The following BBS2 variants were observed in gnomAD, a reference collection of about 807,000 sequenced individuals.
BBS2 encodes BBSome complex member BBS2.
In BBS2, 62 loss-of-function variants were observed where a neutral mutation model predicts 83.0. That is an observed-to-expected ratio of 0.75 (90% confidence interval 0.61 to 0.92). The LOEUF is 0.92. Among genes scored for constraint, BBS2 ranks in the 40% least tolerant of loss-of-function variants. The pLI, the probability that BBS2 is intolerant of heterozygous loss-of-function variation, is 0.00. For missense variants in BBS2, 784 were observed against 901.0 expected (o/e 0.87, Z 1.66); for synonymous variants, 303 against 326.1 (o/e 0.93, Z 0.76).
intron 17 of BBS2, among the ~76,000 whole-genome samples, chr16:56,471,150 G>A (rs1173425399): frequency 6.6e-6 from 1 of 150,428 alleles, no homozygotes; most frequent in South Asian, 2.1e-4. Context: ...CCAGGAGTTC[G>A]AGACCAGCCT....
intron 15 of BBS2, among the ~76,000 whole-genome samples, chr16:56,488,710 C>T (rs1312389797): frequency 3.3e-5 from 5 of 152,068 alleles, no homozygotes; most frequent in Admixed American, 2.6e-4. Context: ...AACTCTCAGC[C>T]CCTCTCCACT....
intron 7 of BBS2, among the ~76,000 whole-genome samples, chr16:56,503,791 C>T (rs1034922554): frequency 2.0e-5 from 3 of 152,014 alleles, no homozygotes; most frequent in African/African-American, 4.8e-5. Context: ...TGGTGGTACG[C>T]ACCTGTAGTC....
intron 7 of BBS2, among the ~76,000 whole-genome samples, chr16:56,504,005 A>G (rs1332607703): frequency 6.6e-6 from 1 of 152,158 alleles, no homozygotes; most frequent in African/African-American, 2.4e-5. Flanking sequence ...CTAGCATAGC[A>G]ATCATTTCGA....
At chr16:56,496,917 C>G in intron 15 of BBS2, 50 bp downstream of exon 15, 1 of 1,292,764 alleles carries the variant, frequency 7.7e-7, no homozygotes, top group Non-Finnish European at 1.1e-6. Flanking sequence ...CTATTCCATA[C>G]TGCTCACATT....
At chr16:56,483,955 C>G (rs1313621064), downstream of BBS2, among the ~76,000 whole-genome samples, 1 of 151,264 alleles carries the variant, frequency 6.6e-6, no homozygotes, top group African/African-American at 2.4e-5. Flanking sequence ...CCCGCCTTGG[C>G]CTCCCAAAGT....
chr16:56,471,708 A>C (rs1288415692), intron 17 of BBS2, among the ~76,000 whole-genome samples: 1 of 152,244 alleles, frequency 6.6e-6, no homozygotes, highest in Non-Finnish European at 1.5e-5. Flanking sequence ...AACTGAAAGC[A>C]ACATAACTCA....
chr16:56,504,431 C>A (rs903795421), intron 7 of BBS2, among the ~76,000 whole-genome samples: 3 of 152,106 alleles, frequency 2.0e-5, no homozygotes, highest in Admixed American at 6.6e-5. Context: ...GAGGTTTTAC[C>A]CTGAAAGGAA....
chr16:56,471,349 G>A (rs1364703650), intron 17 of BBS2, among the ~76,000 whole-genome samples: 3 of 148,574 alleles, frequency 2.0e-5, no homozygotes, highest in South Asian at 2.1e-4. Context: ...GCAACAGAGC[G>A]AGACTACATC....
chr16:56,506,795 T>C (rs1403551044), intron 5 of BBS2, among the ~76,000 whole-genome samples: 2 of 152,194 alleles, frequency 1.3e-5, no homozygotes, highest in Non-Finnish European at 2.9e-5. Flanking sequence ...TATAACAATA[T>C]ACAGAATGCA....
At position 56,485,667 on chromosome 16, in the gene BBS2, C is replaced by T. The variant is rs747686535; in HGVS notation, c.1982G>A (p.Arg661His). 127 of 1,613,848 alleles carry T rather than the reference C, an allele frequency of 7.9e-5. No individual in the cohort carries two copies. The highest frequency in any genetic ancestry group is 1.7e-4 in the African/African-American group (13 of 74,892). The stretch of plus-strand genomic sequence containing the variant: ...CAACAGCTCTGTGTGATTGTTACAG[C>T]GAATTTTATATCCATTTAGCAAGTC... ...NRDLLNGYKI[R>H]CNNHTELLGN... The change falls in exon 16 of 17, where the codon CGC becomes CAC. Residue 661 changes from arginine (R) to histidine (H), a missense_variant. Physicochemically the swap from Arg to His is conservative, Grantham distance 29 (BLOSUM62 0). Coordinates refer to ENST00000245157, the MANE Select transcript of BBS2 (RefSeq NM_031885.5).
chr16:56,477,563 G>T (rs892500296), intron 17 of BBS2: 1 of 152,168 alleles, frequency 6.6e-6, no homozygotes, highest in Non-Finnish European at 1.5e-5. Flanking sequence ...TATTTTAAGA[G>T]ACGGAATGCT....
intron 4 of BBS2, among the ~76,000 whole-genome samples, chr16:56,510,395 C>T (rs112882334): frequency 7.9e-5 from 12 of 152,282 alleles, no homozygotes; most frequent in African/African-American, 2.6e-4. Context: ...AGGGGCAAGT[C>T]GGTGCCCAAC....
At chr16:56,503,387 T>C (rs1038746088) in intron 7 of BBS2, among the ~76,000 whole-genome samples, 18 of 152,354 alleles carry the variant, frequency 1.2e-4, no homozygotes, top group African/African-American at 4.3e-4. Flanking sequence ...TATATATAAA[T>C]GTATAAAGTA....
chr16:56,508,049 C>T lies in BBS2; in HGVS notation c.613-1825G>A, dbSNP rs536301574. 5.3e-5 allele frequency among the ~76,000 whole-genome samples: 8 copies of T among 152,334 alleles called. No homozygotes were observed. The South Asian group carries it at 1.7e-3, about 32-fold the overall frequency. ...GCTCCTTTTGGCACCCATTTCTCCT[C>T]TTCATTTCTTCTCTGTCCACAACTA... is the stretch of plus-strand genomic sequence containing the variant. On this transcript the variant is annotated intron_variant, in intron 5 of 16. Coordinates refer to ENST00000245157, the MANE Select transcript of BBS2 (RefSeq NM_031885.5).
intron 5 of BBS2, among the ~76,000 whole-genome samples, chr16:56,507,681 TC>T (rs1964459898): frequency 6.6e-6 from 1 of 151,586 alleles, no homozygotes; most frequent in African/African-American, 2.4e-5. Context: ...CAAAACAGAC[TC>T]CCGGGCCAGG....
intron 1 of BBS2, among the ~76,000 whole-genome samples, chr16:56,518,830 G>A (rs1262099185): frequency 1.9e-5 from 2 of 104,220 alleles, no homozygotes; most frequent in Non-Finnish European, 4.8e-5. Flanking sequence ...CTATACAGAA[G>A]GTGTTTAGTA....
intron 15 of BBS2, among the ~76,000 whole-genome samples, chr16:56,493,540 G>C (rs934108071): frequency 6.6e-6 from 1 of 152,070 alleles, no homozygotes; most frequent in East Asian, 1.9e-4. Context: ...TAGTAAAAGG[G>C]AGAGAACAGA....
At chr16:56,509,746 C>T in intron 5 of BBS2, 1 of 545,128 alleles carries the variant, frequency 1.8e-6, no homozygotes, top group Non-Finnish European at 3.3e-6. Context: ...TAATTTTTCT[C>T]TATTTAATCA....
At chr16:56,500,058 A>G (rs1361606844) in intron 11 of BBS2, 151 bp from the exon 12 acceptor site, 1 of 804,128 alleles carries the variant, frequency 1.2e-6, no homozygotes, top group Non-Finnish European at 2.1e-6. Flanking sequence ...TGAGGGTTAA[A>G]GTACTACAGT....
Sources: allele counts gnomAD v4.1 joint callset (sites outside exome capture counted in the v4.1 genomes callset), GRCh38; gene constraint gnomAD v4.1.1; transcripts MANE v1.5; gene names NCBI Gene and HGNC (gene_info 2026-07-23, HGNC 2026-07-21).